COG4: variants seen among roughly 807,000 people sequenced by gnomAD.
COG4 encodes the protein conserved oligomeric Golgi complex subunit 4.
COG4 carries 65 observed loss-of-function variants against 95.1 expected under a neutral mutation model. That is an observed-to-expected ratio of 0.68 (90% CI 0.56 to 0.84). The LOEUF (loss-of-function observed/expected upper bound fraction) is 0.84, where lower values mean the gene tolerates loss of function less well. COG4 is among the 40% of genes least tolerant of loss of function. The pLI is 0.00. For synonymous variants in COG4, 421 were observed against 374.8 expected, an observed-to-expected ratio of 1.12 and a Z score of -1.42; for missense variants, 1,045 against 989.1, an observed-to-expected ratio of 1.06 and a Z score of -0.76.
chr16:70,497,614 G>A lies in COG4; in HGVS notation c.1315-227C>T, dbSNP rs144735266. 5.8e-4 allele frequency among the ~76,000 whole-genome samples: 89 copies of A among 152,312 alleles called. No homozygotes were observed. The East Asian group carries it at 0.016, about 27-fold the overall frequency. ...GCCCTGCAGAGATCCATTACCTGGG[G>A]AGTGTAAGATATCTGCAGGGGCCCT... On this transcript the variant is annotated intron_variant, in intron 10 of 18. Transcript: ENST00000323786.
intron 6 of COG4, among the ~76,000 whole-genome samples, 169 bp from the exon 7 acceptor site, chr16:70,509,557 T>G (rs1269050502): frequency 6.6e-6 from 1 of 152,232 alleles, no homozygotes; most frequent in African/African-American, 2.4e-5. Flanking sequence ...GGCAAATATG[T>G]TAAATATGTA....
intron 1 of COG4, 77 bp from the exon 2 acceptor site, chr16:70,519,808 T>C: frequency 9.5e-7 from 1 of 1,054,214 alleles, no homozygotes; most frequent in Non-Finnish European, 1.5e-6. Context: ...ATCACTTAGC[T>C]GAAGGGTGAA....
rs1229781486 is a variant in COG4 at position 70,523,527 on chromosome 16, G to A, written c.17C>T (p.Ala6Val). The A allele has an allele frequency of 3.7e-6, 6 of 1,613,820 alleles. No homozygotes were observed. The highest frequency in any genetic ancestry group is 2.2e-5 in the East Asian group (1 of 44,860). The change falls in exon 1 of 19, where the codon GCG becomes GTG. Residue 6 changes from alanine (A) to valine (V), a missense_variant. Physicochemically the swap from Ala to Val is moderately conservative, Grantham distance 64. Coordinates refer to ENST00000323786, the MANE Select transcript of COG4 (RefSeq NM_015386.3). ...CAGCTTCGGAGGCGAATCAAGGTCCGCCATCTTGGTCCCCATTCGGCACTT... is the reference window on the plus strand; with the variant it reads ...CAGCTTCGGAGGCGAATCAAGGTCCACCATCTTGGTCCCCATTCGGCACTT... MGTKMADLDSPPKLSG... is the reference protein window; with the variant it reads MGTKMVDLDSPPKLSG...
intron 1 of COG4, 142 bp downstream of exon 1, chr16:70,523,231 T>A: frequency 9.9e-7 from 1 of 1,006,970 alleles, no homozygotes; most frequent in Middle Eastern, 2.9e-4. Flanking sequence ...ACTACTCATA[T>A]ACCCGACTAG....
chr16:70,506,607 A>AAAAAAAAAC (rs2049575287), intron 8 of COG4, among the ~76,000 whole-genome samples: 1 of 61,768 alleles, frequency 1.6e-5, no homozygotes, highest in African/African-American at 5.4e-5. Context: ...AAAAAAAAAA[A>AAAAAAAAAC]AAAAAAAAAA....
chr16:70,523,203 G>A (rs907100815), intron 1 of COG4, 170 bp downstream of exon 1: 3 of 737,438 alleles, frequency 4.1e-6, no homozygotes, highest in African/African-American at 1.8e-5. Flanking sequence ...GTCCGACAGC[G>A]TGAAAAGAGT....
intron 8 of COG4, 34 bp from the exon 9 acceptor site, chr16:70,501,125 A>G (rs1480460026): frequency 1.2e-6 from 2 of 1,608,644 alleles, no homozygotes; most frequent in Non-Finnish European, 1.7e-6. Context: ...ATAGGACGAC[A>G]ATGGATTACC....
intron 18 of COG4, 57 bp downstream of exon 18, chr16:70,481,302 C>A: frequency 6.2e-7 from 1 of 1,607,816 alleles, no homozygotes; most frequent in Non-Finnish European, 8.5e-7. Flanking sequence ...TGGCGGGGAT[C>A]CATCTTTGCC....
intron 9 of COG4, among the ~76,000 whole-genome samples, chr16:70,498,607 G>A (rs1567380843): frequency 6.6e-6 from 1 of 152,164 alleles, no homozygotes; most frequent in African/African-American, 2.4e-5. Flanking sequence ...TTACAGGCGT[G>A]AGCCACCATG....
In COG4 at chr16:70,508,450, C is replaced by G; in HGVS notation, c.1017G>C (p.Gln339His). The G allele has an allele frequency of 6.2e-7, 1 of 1,614,066 alleles. No homozygotes were observed. Among genetic ancestry groups the G allele is most frequent in the South Asian group, 1.1e-5 (1 of 91,070 alleles). The change falls in exon 8 of 19, where the codon CAG becomes CAC. Residue 339 changes from glutamine (Q) to histidine (H), a missense_variant. Transcript: ENST00000323786. ...RDYHQQFRHV[Q>H]NNLMRNSTTE... is the part of the protein sequence containing the mutation. Reference sequence around the variant, plus strand: ...TTGTAGAATTTCTCATCAGGTTGTTCTGAACATGCCGGAACTGCAACATAC... The same window carrying G: ...TTGTAGAATTTCTCATCAGGTTGTTGTGAACATGCCGGAACTGCAACATAC...
chr16:70,490,403 A>C lies in COG4; in HGVS notation c.1648-11T>G. On this transcript the variant is annotated splice_polypyrimidine_tract_variant and intron_variant, in intron 12 of 18. Coordinates refer to ENST00000323786, the MANE Select transcript of COG4 (RefSeq NM_015386.3). ...GTTGTTCAGAGTCACCTGGGAGATG[A>C]GGAAGGAAGAACGTGACTTCCTGCT... The C allele has an allele frequency of 1.2e-6, 2 of 1,612,662 alleles. No individual in the cohort carries two copies. Among genetic ancestry groups the C allele is most frequent in the Non-Finnish European group, 1.7e-6 (2 of 1,178,820 alleles).
chr16:70,514,600 C>A (rs1279508944), intron 3 of COG4, 91 bp from the exon 4 acceptor site: 4 of 1,058,434 alleles, frequency 3.8e-6, no homozygotes, highest in African/African-American at 3.1e-5. Context: ...TGAATCTGAT[C>A]AACCATATGT....
At chr16:70,490,577 G>A (rs1324750513) in intron 12 of COG4, among the ~76,000 whole-genome samples, 185 bp from the exon 13 acceptor site, 1 of 152,224 alleles carries the variant, frequency 6.6e-6, no homozygotes, top group Non-Finnish European at 1.5e-5. Flanking sequence ...GGATTGGGCA[G>A]AATGGGGAAG....
chr16:70,507,685 AC>A (rs2151757048), intron 8 of COG4, among the ~76,000 whole-genome samples: 1 of 151,790 alleles, frequency 6.6e-6, no homozygotes, highest in South Asian at 2.1e-4. Flanking sequence ...TCATGGCAAA[AC>A]CCTGTCTCTA....
chr16:70,514,683 G>C (rs947522397), intron 3 of COG4, among the ~76,000 whole-genome samples, 174 bp from the exon 4 acceptor site: 3 of 152,130 alleles, frequency 2.0e-5, no homozygotes, highest in Admixed American at 2.0e-4. Context: ...ACCATTGACA[G>C]ATATCATACA....
intron 9 of COG4, among the ~76,000 whole-genome samples, chr16:70,500,438 G>A (rs2049425498): frequency 7.1e-6 from 1 of 140,382 alleles, no homozygotes; most frequent in African/African-American, 2.7e-5. Context: ...GCGTGATCTT[G>A]GCCCTATGCC....
At chr16:70,488,967 C>T (rs559592277) in intron 13 of COG4, among the ~76,000 whole-genome samples, 1 of 152,330 alleles carries the variant, frequency 6.6e-6, no homozygotes, top group East Asian at 1.9e-4. Flanking sequence ...GCACAGAGGT[C>T]ATTATCCCTG....
intron 9 of COG4, among the ~76,000 whole-genome samples, chr16:70,499,215 T>C (rs1361461664): frequency 6.6e-6 from 1 of 152,116 alleles, no homozygotes; most frequent in African/African-American, 2.4e-5. Context: ...AGAATCCAGC[T>C]GAGAAAGATG....
intron 10 of COG4, 51 bp downstream of exon 10, chr16:70,497,886 G>T: frequency 9.5e-7 from 1 of 1,048,980 alleles, no homozygotes; most frequent in Non-Finnish European, 1.5e-6. Context: ...CCCTCAGCCT[G>T]GCTTCTTGGA....
Sources: allele counts gnomAD v4.1 joint callset (sites outside exome capture counted in the v4.1 genomes callset), GRCh38; gene constraint gnomAD v4.1.1; transcripts MANE v1.5; gene names NCBI Gene and HGNC (gene_info 2026-07-23, HGNC 2026-07-21).